The following USP19 variants were observed in gnomAD, a reference collection of about 807,000 sequenced individuals.
The protein encoded by USP19 is ubiquitin carboxyl-terminal hydrolase 19.
A neutral mutation model predicts 144.8 loss-of-function variants in USP19; 40 were observed. The observed-to-expected ratio is 0.28, with a 90% confidence interval of 0.21 to 0.36. The LOEUF is 0.36. USP19 is among the 10% of genes least tolerant of loss of function. USP19 has a pLI of 1.00. For synonymous variants in USP19, 701 were observed against 709.3 expected, an observed-to-expected ratio of 0.99 and a Z score of 0.19; for missense variants, 1,518 against 1,822.5, an observed-to-expected ratio of 0.83 and a Z score of 3.04.
rs1302677779 is a variant in USP19 at position 49,113,987 on chromosome 3, G to C, written c.2505+5C>G. On this transcript the variant is annotated splice_donor_5th_base_variant and intron_variant, in intron 17 of 26. Transcript: ENST00000417901. ...ATGTGATAGCCCAAGGAAGGACAAA[G>C]ATACCTCCGCCAAACGCAGGTTCTC... 4 of 1,614,010 alleles carry C rather than the reference G, an allele frequency of 2.5e-6. No homozygotes were observed. The highest frequency in any genetic ancestry group is 3.4e-6 in the Non-Finnish European group (4 of 1,180,004).
In USP19 at chr3:49,117,372, T is replaced by C; in HGVS notation, c.607-11A>G. The C allele has an allele frequency of 6.2e-7, 1 of 1,601,894 alleles. No individual in the cohort carries two copies. Among genetic ancestry groups the C allele is most frequent in the Non-Finnish European group, 8.5e-7 (1 of 1,171,344 alleles). On this transcript the variant is annotated splice_polypyrimidine_tract_variant and intron_variant, in intron 5 of 26. Coordinates refer to ENST00000417901, the MANE Select transcript of USP19 (RefSeq NM_001199161.2). The surrounding 1 kb of genome is among the most constrained non-coding windows in gnomAD (Gnocchi z 4.4). The stretch of plus-strand genomic sequence containing the variant: ...CCCTAGAGGTTTCTTCTGCCAAAGA[T>C]ACAGCAGTCAGGCCCTGTCGACTAC...
At position 49,119,288 on chromosome 3, in the gene USP19, G is replaced by A. The variant is rs1276635895; in HGVS notation, c.-136-7C>T. 2.6e-5 allele frequency: 31 copies of A among 1,184,844 alleles called. No individual in the cohort carries two copies. The highest frequency in any genetic ancestry group is 3.6e-5 in the Non-Finnish European group (31 of 868,406). The allele number at this position is 1,184,844 out of a possible 1,614,324, so 73.4% of individuals were successfully genotyped here. On this transcript the variant is annotated splice_polypyrimidine_tract_variant and splice_region_variant and intron_variant, in intron 1 of 26. Transcript: ENST00000417901. ...CCAGCAAGGAACGGACAGCCTAATG[G>A]AAAGAAGCCAGTGATCACTGCCAAG...
In USP19 at chr3:49,114,250, G is replaced by A; in HGVS notation, c.2327C>T (p.Pro776Leu). ...CTTTTGCTTTTGTGGCAAGGGCACC[G>A]GCAGATAAAGAAACGGGTCAAAAGT... ...SITFDPFLYLPVPLPQKQKVL... is the reference protein window; with the variant it reads ...SITFDPFLYLLVPLPQKQKVL... Residue 776 changes from proline to leucine, a missense_variant, in exon 16 of 27, where the codon CCG becomes CTG. Physicochemically the swap from Pro to Leu is moderately conservative, Grantham distance 98. Transcript: ENST00000417901. The surrounding 1 kb of genome is among the most constrained non-coding windows in gnomAD (Gnocchi z 4.5). The A allele has an allele frequency of 1.2e-6, 2 of 1,614,176 alleles. No individual in the cohort carries two copies. Among genetic ancestry groups the A allele is most frequent in the East Asian group, 2.2e-5 (1 of 44,890 alleles).
intron 26 of USP19, chr3:49,109,225 G>A: frequency 1.4e-6 from 2 of 1,451,956 alleles, no homozygotes; most frequent in Non-Finnish European, 1.8e-6. Context: ...CCCGGGGGTG[G>A]GGAGGACCCA....
At position 49,112,894 on chromosome 3, in the gene USP19, T is replaced by A. The variant is rs540260731; in HGVS notation, c.2506-265A>T. Among the ~76,000 whole-genome samples, 1 of 152,290 alleles carries A rather than the reference T, an allele frequency of 6.6e-6. No individual in the cohort carries two copies. The highest frequency in any genetic ancestry group is 6.5e-5 in the Admixed American group (1 of 15,304). ...CACACTGAGGGACTCTGCCCTGCTATAACTAGCATAGCCTTATAAGACTGT... is the reference window on the plus strand; with the variant it reads ...CACACTGAGGGACTCTGCCCTGCTAAAACTAGCATAGCCTTATAAGACTGT... On this transcript the variant is annotated intron_variant, in intron 17 of 26. Transcript: ENST00000417901. The surrounding 1 kb of genome is among the most constrained non-coding windows in gnomAD (Gnocchi z 4.9).
Position 49,119,274 on chromosome 3 carries a change from C to T in USP19, c.-129G>A, listed in dbSNP as rs1369748749. On this transcript the variant is annotated 5_prime_UTR_variant, in exon 2 of 27. Transcript: ENST00000417901. ...TGTGGCCAAATTCTCCAGCAAGGAA[C>T]GGACAGCCTAATGGAAAGAAGCCAG... 2.4e-5 allele frequency: 31 copies of T among 1,298,752 alleles called. No homozygotes were observed. The highest frequency in any genetic ancestry group is 1.0e-4 in the African/African-American group (7 of 67,416). The allele number at this position is 1,298,752 out of a possible 1,614,324, so 80.5% of individuals were successfully genotyped here. A position where few individuals can be genotyped will look rare whatever the true frequency, so the allele number is the denominator to read the frequency against.
rs1036803789 is a variant in USP19 at position 49,117,903 on chromosome 3, C to A, written c.298+44G>T. 3.1e-6 allele frequency: 5 copies of A among 1,613,106 alleles called. No individual in the cohort carries two copies. Among genetic ancestry groups the A allele is most frequent in the Non-Finnish European group, 4.2e-6 (5 of 1,179,736 alleles). ...TCAGATGGGAGCCAAATTGCAAGTG[C>A]CCCCTCCCCTTCCCTAGCAACAAAA... On this transcript the variant is annotated intron_variant, in intron 3 of 26. Transcript: ENST00000417901. The surrounding 1 kb of genome is among the most constrained non-coding windows in gnomAD (Gnocchi z 4.4).
intron 2 of USP19, 28 bp downstream of exon 2, chr3:49,118,992 CCA>C (rs1393051522): frequency 1.2e-6 from 2 of 1,613,456 alleles, no homozygotes; most frequent in African/African-American, 1.3e-5. Flanking sequence ...GCAGAGAAGG[CCA>C]CAATTACTCT....
Position 49,108,367 on chromosome 3 carries a change from G to T in USP19, c.*45C>A. On this transcript the variant is annotated 3_prime_UTR_variant, in exon 27 of 27. Coordinates refer to ENST00000417901, the MANE Select transcript of USP19 (RefSeq NM_001199161.2). This position sits in a 1 kb window ranked among gnomAD's most constrained non-coding sequence, Gnocchi z 4.8. ...AGAAGCGGCAAGGAGCTGGCCCTCT[G>T]TGTGGGTGTCCCAAACCCAGTCCCC... is the stretch of plus-strand genomic sequence containing the variant. 1.4e-6 allele frequency: 1 copy of T among 737,500 alleles called. No individual in the cohort carries two copies. The highest frequency in any genetic ancestry group is 2.1e-6 in the Non-Finnish European group (1 of 482,204). 45.7% of individuals were successfully genotyped at this position (737,500 alleles called of 1,614,324 possible). A position where few individuals can be genotyped will look rare whatever the true frequency, so the allele number is the denominator to read the frequency against.
At chr3:49,120,731 G>A (rs2045111450) in intron 1 of USP19, 25 bp downstream of exon 1, 2 of 190,778 alleles carry the variant, frequency 1.0e-5, no homozygotes. Context: ...GGCCAAGCCA[G>A]CGAGTTGCAG....
At position 49,114,949 on chromosome 3, in the gene USP19, T is replaced by C. The variant is rs750634318; in HGVS notation, c.2181+10A>G. ...ATGAGACATGCCCACCCTCTGTCCCTAACCCTGACCTCATCGGGCCGCCCA... is the reference window on the plus strand; with the variant it reads ...ATGAGACATGCCCACCCTCTGTCCCCAACCCTGACCTCATCGGGCCGCCCA... On this transcript the variant is annotated intron_variant, in intron 14 of 26. Transcript: ENST00000417901. The surrounding 1 kb of genome is among the most constrained non-coding windows in gnomAD (Gnocchi z 4.5). 3.1e-6 allele frequency: 5 copies of C among 1,614,154 alleles called. No homozygotes were observed. Among genetic ancestry groups the C allele is most frequent in the Non-Finnish European group, 4.2e-6 (5 of 1,180,018 alleles).
chr3:49,108,743 A>G lies in USP19; in HGVS notation c.4039-215T>C. On this transcript the variant is annotated intron_variant, in intron 26 of 26. Coordinates refer to ENST00000417901, the MANE Select transcript of USP19 (RefSeq NM_001199161.2). The surrounding 1 kb of genome is among the most constrained non-coding windows in gnomAD (Gnocchi z 4.8). ...AGTAGCTTGGGCAGGGCCAAGCCTG[A>G]GGCCAAGGGTCAGAGCAGCAGGATG... 7.3e-7 allele frequency: 1 copy of G among 1,376,064 alleles called. No homozygotes were observed. The highest frequency in any genetic ancestry group is 9.4e-7 in the Non-Finnish European group (1 of 1,069,512). The allele number at this position is 1,376,064 out of a possible 1,614,324, so 85.2% of individuals were successfully genotyped here.
Position 49,115,820 on chromosome 3 carries a change from T to C in USP19, c.1596A>G (p.Lys532=). The stretch of plus-strand genomic sequence containing the variant: ...CTGTGTCCTCAGATCGTGCCTTGGA[T>C]TTATCCTTCTCCACAGCCCGGGCCT... The part of the protein sequence containing the change: ...QEEARAVEKD[K]SKARSEDTGL... The change falls in exon 11 of 27, where the codon AAA becomes AAG. Residue 532 remains lysine, a synonymous_variant. Coordinates refer to ENST00000417901, the MANE Select transcript of USP19 (RefSeq NM_001199161.2). This position sits in a 1 kb window ranked among gnomAD's most constrained non-coding sequence, Gnocchi z 6.6. 6.2e-7 allele frequency: 1 copy of C among 1,613,946 alleles called. No individual in the cohort carries two copies. Among genetic ancestry groups the C allele is most frequent in the Non-Finnish European group, 8.5e-7 (1 of 1,179,864 alleles).
At position 49,111,382 on chromosome 3, in the gene USP19, T is replaced by A; in HGVS notation, c.3218-17A>T. ...GCACAGCAGCTGTGTGAGAACATGA[T>A]AATCAAAGCTTCCCTGCCCATCAGG... On this transcript the variant is annotated splice_polypyrimidine_tract_variant and intron_variant, in intron 21 of 26. Transcript: ENST00000417901. This position sits in a 1 kb window ranked among gnomAD's most constrained non-coding sequence, Gnocchi z 5.9. 1 of 1,614,068 alleles carries A rather than the reference T, an allele frequency of 6.2e-7. No individual in the cohort carries two copies. Among genetic ancestry groups the A allele is most frequent in the South Asian group, 1.1e-5 (1 of 91,070 alleles).
In USP19 at chr3:49,110,369, C is replaced by G. The variant is rs763468288; in HGVS notation, c.3860-7G>C. 1 of 1,595,164 alleles carries G rather than the reference C, an allele frequency of 6.3e-7. No individual in the cohort carries two copies. Among genetic ancestry groups the G allele is most frequent in the African/African-American group, 1.3e-5 (1 of 74,778 alleles). On this transcript the variant is annotated splice_polypyrimidine_tract_variant and splice_region_variant and intron_variant, in intron 25 of 26. Coordinates refer to ENST00000417901, the MANE Select transcript of USP19 (RefSeq NM_001199161.2). This position sits in a 1 kb window ranked among gnomAD's most constrained non-coding sequence, Gnocchi z 6.1. ...TCATCAAACAAGCGCCAGCCTACAG[C>G]AGGGTGGGAAGAGTGTGAACAAAGT...
rs764965450 is a variant in USP19, at chr3:49,110,505, A to G, written c.3798T>C (p.Gly1266=). 1.9e-6 allele frequency: 3 copies of G among 1,614,028 alleles called. No homozygotes were observed. The highest frequency in any genetic ancestry group is 2.7e-5 in the African/African-American group (2 of 74,914). Residue 1266 remains glycine (G), a synonymous_variant, in exon 25 of 27, where the codon GGT becomes GGC. Transcript: ENST00000417901. The surrounding 1 kb of genome is among the most constrained non-coding windows in gnomAD (Gnocchi z 6.1). ...AVINHYGGMI[G]GHYTACARLP... ...GGCGTGCACAGGCAGTGTAGTGGCC[A>G]CCAATCATGCCTCCATAGTGGTTGA...
rs1023674287 is a variant in USP19, at chr3:49,114,823, G to C, written c.2232C>G (p.Phe744Leu). ...WQRHKMRNDS[F>L]IVDLFQGQYK... ...ACTGCCCCTGAAATAGGTCCACGATGAAAGAGTCATTCCTCATCTTGTGCC... is the reference window on the plus strand; with the variant it reads ...ACTGCCCCTGAAATAGGTCCACGATCAAAGAGTCATTCCTCATCTTGTGCC... The change falls in exon 15 of 27, where the codon TTC becomes TTG. Residue 744 changes from phenylalanine to leucine, a missense_variant. By Grantham distance (22) the Phe-to-Leu change is conservative. This residue lies in a region of USP19 where 158 missense variants were observed against 277.3 expected (regional missense o/e 0.57). Coordinates refer to ENST00000417901, the MANE Select transcript of USP19 (RefSeq NM_001199161.2). This position sits in a 1 kb window ranked among gnomAD's most constrained non-coding sequence, Gnocchi z 4.5. 1.2e-6 allele frequency: 2 copies of C among 1,614,202 alleles called. No individual in the cohort carries two copies. Among genetic ancestry groups the C allele is most frequent in the Non-Finnish European group, 1.7e-6 (2 of 1,180,032 alleles).
chr3:49,110,309 C>A lies in USP19; in HGVS notation c.3913G>T (p.Val1305Leu), dbSNP rs1359611171. ...TVTTVDESQV[V>L]TRYAYVLFYR... ...AAGAGTACATAGGCATAACGCGTCA[C>A]AACCTGGCTCTCGTCTACCGTTGTC... is the stretch of plus-strand genomic sequence containing the variant. Residue 1305 changes from valine (V) to leucine (L), a missense_variant, in exon 26 of 27, where the codon GTG (valine) becomes TTG (leucine). Coordinates refer to ENST00000417901, the MANE Select transcript of USP19 (RefSeq NM_001199161.2). The surrounding 1 kb of genome is among the most constrained non-coding windows in gnomAD (Gnocchi z 6.1). 6.2e-7 allele frequency: 1 copy of A among 1,606,718 alleles called. No individual in the cohort carries two copies.
At position 49,115,903 on chromosome 3, in the gene USP19, T is replaced by C. The variant is rs201093030; in HGVS notation, c.1513A>G (p.Thr505Ala). 122 of 1,574,314 alleles carry C rather than the reference T, an allele frequency of 7.7e-5. 1 individual carries two copies. The Admixed American group carries it at 1.1e-3, about 14-fold the overall frequency. Residue 505 changes from threonine (T) to alanine (A), a missense_variant, in exon 11 of 27, where the codon ACC becomes GCC. This residue lies in a region of USP19 where 707 missense variants were observed against 728.9 expected (regional missense o/e 0.97). Coordinates refer to ENST00000417901, the MANE Select transcript of USP19 (RefSeq NM_001199161.2). This position sits in a 1 kb window ranked among gnomAD's most constrained non-coding sequence, Gnocchi z 6.6. ...CCTGGTGGGGTTGAATCCAGAGGGG[T>C]TGGACCTGTCGGCACGGCAACCTTT... Reference protein sequence around the residue: ...GAKVAVPTGPTPLDSTPPGGA... With the variant: ...GAKVAVPTGPAPLDSTPPGGA...
Sources: gnomAD v4.1 joint callset for allele counts (sites outside exome capture counted in the v4.1 genomes callset) on GRCh38, gnomAD v4.1.1 for gene constraint, gnomAD v4.1.1 regional missense constraint, Gnocchi (gnomAD v3.1) non-coding constraint, MANE v1.5 for transcripts, NCBI Gene and HGNC (gene_info 2026-07-23, HGNC 2026-07-21) for gene names.